Variants in CCNF observed in about 807,000 individuals in gnomAD.
CCNF encodes the protein cyclin F, also known as cyclin-F.
A neutral mutation model predicts 85.4 loss-of-function variants in CCNF; 30 were observed. The observed-to-expected ratio is 0.35, with a 90% CI of 0.26 to 0.48. The LOEUF is 0.48. Among genes scored for constraint, CCNF ranks in the 20% least tolerant of loss-of-function variants. The pLI is 0.99. For synonymous variants in CCNF, 439 were observed against 425.1 expected (o/e 1.03, Z -0.40); for missense variants, 919 against 1,010.4 (o/e 0.91, Z 1.23).
chr16:2,429,552 T>C, intron 1 of CCNF, 55 bp downstream of exon 1: 1 of 1,223,666 alleles, frequency 8.2e-7, no homozygotes. Context: ...CTGCCTGCCC[T>C]GCGGGGCGGA....
At chr16:2,431,098 C>G in intron 1 of CCNF, 32 bp from the exon 2 acceptor site, 2 of 1,609,100 alleles carry the variant, frequency 1.2e-6, no homozygotes, top group South Asian at 2.2e-5. Context: ...AATTTTTCAT[C>G]TTATCAAGGC....
chr16:2,456,233 G>C lies in CCNF; in HGVS notation c.1886-312G>C, dbSNP rs1460127862. ...GATCACTGCCCTGTGCAAACCCCAGGCAGACTGCGGGGTCCTTGCCAGAAG... is the reference window on the plus strand; with the variant it reads ...GATCACTGCCCTGTGCAAACCCCAGCCAGACTGCGGGGTCCTTGCCAGAAG... On this transcript the variant is annotated intron_variant, in intron 16 of 16. Transcript: ENST00000397066. This position sits in a 1 kb window ranked among gnomAD's most constrained non-coding sequence, Gnocchi z 4.5. 1 of 326,616 alleles carries C rather than the reference G, an allele frequency of 3.1e-6. No individual in the cohort carries two copies. The highest frequency in any genetic ancestry group is 5.6e-6 in the Non-Finnish European group (1 of 177,130). The allele number at this position is 326,616 out of a possible 1,614,324, so 20.2% of individuals were successfully genotyped here.
In CCNF at chr16:2,448,953, T is replaced by G; in HGVS notation, c.1193T>G (p.Val398Gly). 6.2e-7 allele frequency: 1 copy of G among 1,614,074 alleles called. No homozygotes were observed. The change falls in exon 11 of 17, where the codon GTC (valine) becomes GGC (glycine). Residue 398 changes from valine to glycine, a missense_variant. Transcript: ENST00000397066. ...CTGGTGAGAATGATGGGCGAGATCG[T>G]CTCCGCCTTGGAAGGGAAGATTCGA... ...EDLVRMMGEI[V>G]SALEGKIRVP...
chr16:2,444,420 C>T (rs1287612284), intron 9 of CCNF, among the ~76,000 whole-genome samples: 1 of 151,432 alleles, frequency 6.6e-6, no homozygotes, highest in African/African-American at 2.4e-5. Context: ...CTGCCTCAGC[C>T]TCCTCAGGAG....
In CCNF at chr16:2,452,454, G is replaced by T. The variant is rs1488239572; in HGVS notation, c.1488-756G>T. 1 of 152,268 alleles carries T rather than the reference G, an allele frequency of 6.6e-6. No individual in the cohort carries two copies. Among genetic ancestry groups the T allele is most frequent in the Non-Finnish European group, 1.5e-5 (1 of 68,114 alleles). 9.4% of individuals were successfully genotyped at this position (152,268 alleles called of 1,614,324 possible). ...CCTTTGCTTATGGGGAGCACAGATC[G>T]TCCCAACCCTGGCCACCAAAAGCTG... On this transcript the variant is annotated intron_variant, in intron 13 of 16. Transcript: ENST00000397066. This position sits in a 1 kb window ranked among gnomAD's most constrained non-coding sequence, Gnocchi z 4.1.
rs776287774 is a variant in CCNF, at chr16:2,448,892, G to A, written c.1132G>A (p.Val378Ile). The change falls in exon 11 of 17, where the codon GTA (valine) becomes ATA (isoleucine). Residue 378 changes from valine (V) to isoleucine (I), a missense_variant. Around this residue, in one of 3 missense-constraint regions of CCNF, gnomAD observed 410 missense variants for 478.6 expected, o/e 0.86. Transcript: ENST00000397066. Reference sequence around the variant, plus strand: ...AGAGATCCTGACCATCCGGGAGGCCGTATGGCTCACGGACAACACTTACAA... The same window carrying A: ...AGAGATCCTGACCATCCGGGAGGCCATATGGCTCACGGACAACACTTACAA... ...SKEILTIREAVWLTDNTYKYE... is the reference protein window; with the variant it reads ...SKEILTIREAIWLTDNTYKYE... 8 of 1,613,488 alleles carry A rather than the reference G, an allele frequency of 5.0e-6. No individual in the cohort carries two copies. The highest frequency in any genetic ancestry group is 2.2e-5 in the East Asian group (1 of 44,882).
chr16:2,450,129 C>A (rs575502206), intron 13 of CCNF, among the ~76,000 whole-genome samples: 1 of 151,714 alleles, frequency 6.6e-6, no homozygotes, highest in Admixed American at 6.6e-5. Flanking sequence ...ATCGCTTGAA[C>A]CCAGGAAGCA....
intron 10 of CCNF, among the ~76,000 whole-genome samples, chr16:2,445,928 T>C (rs4354942): frequency 0.76 from 114,660 of 151,860 alleles, 44,240 homozygotes; most frequent in African/African-American, 0.92. Context: ...CGGGGTTTCA[T>C]CATGTTGGTC....
intron 15 of CCNF, among the ~76,000 whole-genome samples, chr16:2,454,300 G>A (rs1366255740): frequency 1.3e-5 from 2 of 152,218 alleles, no homozygotes; most frequent in Non-Finnish European, 2.9e-5. Context: ...CAAGAAGCGT[G>A]ACAGCACTTT....
At chr16:2,441,219 C>T (rs956924011) in intron 8 of CCNF, among the ~76,000 whole-genome samples, 2 of 150,842 alleles carry the variant, frequency 1.3e-5, no homozygotes, top group South Asian at 2.1e-4. Flanking sequence ...GGCAACAGAG[C>T]GATACTCCAT....
Position 2,456,395 on chromosome 16 carries a change from C to A in CCNF, c.1886-150C>A. On this transcript the variant is annotated intron_variant, in intron 16 of 16. Coordinates refer to ENST00000397066, the MANE Select transcript of CCNF (RefSeq NM_001761.3). This position sits in a 1 kb window ranked among gnomAD's most constrained non-coding sequence, Gnocchi z 4.5. ...GCTGTCCAACTTGGAAGAGGCATGT[C>A]ACCCACGCTTCTCACCACAGGAGGG... is the stretch of plus-strand genomic sequence containing the variant. 1 of 503,296 alleles carries A rather than the reference C, an allele frequency of 2.0e-6. No homozygotes were observed. The highest frequency in any genetic ancestry group is 3.4e-6 in the Non-Finnish European group (1 of 292,464). 31.2% of individuals were successfully genotyped at this position (503,296 alleles called of 1,614,324 possible). A position where few individuals can be genotyped will look rare whatever the true frequency, so the allele number is the denominator to read the frequency against.
chr16:2,437,243 G>A lies in CCNF; in HGVS notation c.461G>A (p.Arg154His), dbSNP rs1337151782. ...GCACCTTTCATCTGGCTCTTCATCC[G>A]CCCTCCGTGGTCGGTGAGCGGAAGC... The part of the protein sequence containing the change: ...GAAPFIWLFI[R>H]PPWSVSGSCC... The change falls in exon 5 of 17, where the codon CGC (arginine) becomes CAC (histidine). Residue 154 changes from arginine (R) to histidine (H), a missense_variant. Arg to His is a conservative substitution (Grantham distance 29). Around this residue, in one of 3 missense-constraint regions of CCNF, gnomAD observed 410 missense variants for 478.6 expected, o/e 0.86. Transcript: ENST00000397066. 4.3e-6 allele frequency: 7 copies of A among 1,611,946 alleles called. No individual in the cohort carries two copies. Among genetic ancestry groups the A allele is most frequent in the Non-Finnish European group, 5.1e-6 (6 of 1,179,372 alleles).
At chr16:2,443,906 T>C (rs1279293969) in intron 9 of CCNF, 106 bp downstream of exon 9, 2 of 1,026,476 alleles carry the variant, frequency 1.9e-6, no homozygotes, top group African/African-American at 1.7e-5. Context: ...CAGGGCGGCA[T>C]AGAGTTCCCT....
chr16:2,448,039 G>A (rs886417133), intron 10 of CCNF, among the ~76,000 whole-genome samples: 2 of 152,256 alleles, frequency 1.3e-5, no homozygotes, highest in Non-Finnish European at 2.9e-5. Context: ...CTGGAGCAGC[G>A]TGTTCCCTGA....
Position 2,449,879 on chromosome 16 carries a change from ACCTCATTC to A in CCNF, c.1455_1462del (p.Ile486ArgfsTer6), listed in dbSNP as rs1374348618. 2 of 1,608,966 alleles carry A rather than the reference ACCTCATTC, an allele frequency of 1.2e-6. No individual in the cohort carries two copies. The highest frequency in any genetic ancestry group is 1.7e-6 in the Non-Finnish European group (2 of 1,179,210). The stretch of plus-strand genomic sequence containing the variant: ...GACCTCACCGGATTCTCCTATGAAG[ACCTCATTC>A]CCTGCGTCTTGAGCCTCCATAAGAA... On this transcript the variant is annotated frameshift_variant, in exon 13 of 17. Transcript: ENST00000397066. LOFTEE classifies it high-confidence loss of function.
chr16:2,452,808 G>A lies in CCNF; in HGVS notation c.1488-402G>A, dbSNP rs1299559504. 1 of 229,638 alleles carries A rather than the reference G, an allele frequency of 4.4e-6. No individual in the cohort carries two copies. The highest frequency in any genetic ancestry group is 8.7e-6 in the Non-Finnish European group (1 of 114,460). 14.2% of individuals were successfully genotyped at this position (229,638 alleles called of 1,614,324 possible). ...GGCGTCATCGGACAAGTGGCCTTCTGTGTCTAGGTGATTTCCCTCGCGGTA... is the reference window on the plus strand; with the variant it reads ...GGCGTCATCGGACAAGTGGCCTTCTATGTCTAGGTGATTTCCCTCGCGGTA... On this transcript the variant is annotated intron_variant, in intron 13 of 16. Coordinates refer to ENST00000397066, the MANE Select transcript of CCNF (RefSeq NM_001761.3). The surrounding 1 kb of genome is among the most constrained non-coding windows in gnomAD (Gnocchi z 4.1).
chr16:2,434,559 C>T (rs965053182), intron 3 of CCNF, among the ~76,000 whole-genome samples: 2 of 152,118 alleles, frequency 1.3e-5, no homozygotes, highest in Non-Finnish European at 2.9e-5. Context: ...TGCAGTGAGC[C>T]GAGATCGCAC....
At chr16:2,433,844 G>T (rs13329909) in intron 3 of CCNF, among the ~76,000 whole-genome samples, 2 of 152,144 alleles carry the variant, frequency 1.3e-5, no homozygotes, top group Non-Finnish European at 2.9e-5. Flanking sequence ...GCATTTTTCT[G>T]ACAGGGATTC....
At position 2,453,167 on chromosome 16, in the gene CCNF, TG is replaced by T; in HGVS notation, c.1488-38del. ...CAGTGAACTGAAGCTAAAAATGGGG[TG>T]GGGGTGCCTCACATGTCCACTCCAC... On this transcript the variant is annotated intron_variant, in intron 13 of 16. Coordinates refer to ENST00000397066, the MANE Select transcript of CCNF (RefSeq NM_001761.3). This position sits in a 1 kb window ranked among gnomAD's most constrained non-coding sequence, Gnocchi z 5.6. The T allele has an allele frequency of 1.3e-6, 2 of 1,546,050 alleles. No individual in the cohort carries two copies. Among genetic ancestry groups the T allele is most frequent in the Non-Finnish European group, 1.8e-6 (2 of 1,118,776 alleles).
Sources: allele counts gnomAD v4.1 joint callset (sites outside exome capture counted in the v4.1 genomes callset), GRCh38; gene constraint gnomAD v4.1.1; regional missense constraint gnomAD v4.1.1; non-coding constraint Gnocchi (gnomAD v3.1); transcripts MANE v1.5; gene names NCBI Gene and HGNC (gene_info 2026-07-23, HGNC 2026-07-21).